Variants in SEPTIN9 observed in about 807,000 individuals in gnomAD.
SEPTIN9 encodes septin-9.
A neutral mutation model predicts 56.6 loss-of-function variants in SEPTIN9; 13 were observed. That is an observed-to-expected ratio of 0.23 (90% confidence interval 0.15 to 0.37). The LOEUF (loss-of-function observed/expected upper bound fraction) is 0.37, where lower values mean the gene tolerates loss of function less well. SEPTIN9 is among the 10% of genes least tolerant of loss of function. SEPTIN9 has a pLI of 1.00. For synonymous variants in SEPTIN9, 332 were observed against 334.1 expected (o/e 0.99, Z 0.07); for missense variants, 650 against 823.1 (o/e 0.79, Z 2.57).
chr17:77,411,863 C>G lies in SEPTIN9; in HGVS notation c.721+9160C>G, dbSNP rs571167047. 8.8e-4 allele frequency among the ~76,000 whole-genome samples: 134 copies of G among 152,200 alleles called. 1 individual carries two copies. Among genetic ancestry groups the G allele is most frequent in the Admixed American group, 2.4e-3 (37 of 15,298 alleles). On this transcript the variant is annotated intron_variant, in intron 3 of 11. Coordinates refer to ENST00000427177, the MANE Select transcript of SEPTIN9 (RefSeq NM_001113491.2). Reference sequence around the variant, plus strand: ...AGTTTTGATCTGCTGGGCACAGTGGCTCACACCTGTAATCCCAGCACTTTG... The same window carrying G: ...AGTTTTGATCTGCTGGGCACAGTGGGTCACACCTGTAATCCCAGCACTTTG...
chr17:77,493,975 G>A (rs1568122846), intron 10 of SEPTIN9, among the ~76,000 whole-genome samples: 1 of 151,970 alleles, frequency 6.6e-6, no homozygotes, highest in Non-Finnish European at 1.5e-5. Context: ...ATTTCGCCAT[G>A]TTGGCCAGGC....
In SEPTIN9 at chr17:77,390,425, T is replaced by TAA. The variant is rs570951109; in HGVS notation, c.77-11621_77-11620dup. Among the ~76,000 whole-genome samples, 656 of 106,328 alleles carry TAA rather than the reference T, an allele frequency of 6.2e-3. 13 individuals are homozygous for TAA. The highest frequency in any genetic ancestry group is 0.021 in the African/African-American group (579 of 27,504). The allele number at this position is 106,328 out of a possible 152,430, so 69.8% of individuals were successfully genotyped here. Reference sequence around the variant, plus strand: ...TCACCTCCCCTTCATGTTTCAGAGGTAAAAAAAAAAAAAACTGCACATTTC... The same window carrying TAA: ...TCACCTCCCCTTCATGTTTCAGAGGTAAAAAAAAAAAAAAAACTGCACATTTC... On this transcript the variant is annotated intron_variant, in intron 2 of 11. Coordinates refer to ENST00000427177, the MANE Select transcript of SEPTIN9 (RefSeq NM_001113491.2).
At chr17:77,320,738 G>A (rs1229288250) in intron 2 of SEPTIN9, among the ~76,000 whole-genome samples, 2 of 152,222 alleles carry the variant, frequency 1.3e-5, no homozygotes, top group Non-Finnish European at 2.9e-5. Flanking sequence ...TGTCCACTGT[G>A]TGGTTTGTTT....
chr17:77,440,148 C>T (rs2037491168), intron 3 of SEPTIN9, among the ~76,000 whole-genome samples: 1 of 151,878 alleles, frequency 6.6e-6, no homozygotes, highest in African/African-American at 2.4e-5. Context: ...TTTCATATAC[C>T]TTTTTTTTAA....
intron 2 of SEPTIN9, among the ~76,000 whole-genome samples, chr17:77,358,098 C>T (rs974942454): frequency 2.0e-5 from 3 of 152,172 alleles, no homozygotes; most frequent in Non-Finnish European, 4.4e-5. Flanking sequence ...GCTTAGTCAA[C>T]GGAAGCTCAG....
chr17:77,484,694 AT>A (rs200946896), intron 4 of SEPTIN9, among the ~76,000 whole-genome samples: 2 of 59,416 alleles, frequency 3.4e-5, no homozygotes, highest in East Asian at 6.4e-4. Flanking sequence ...GGTGGTGGTG[AT>A]TGTGATGGTG....
Position 77,384,779 on chromosome 17 carries a change from C to T in SEPTIN9, c.77-17280C>T, listed in dbSNP as rs541768602. Among the ~76,000 whole-genome samples the T allele has an allele frequency of 2.1e-4, 32 of 151,348 alleles. No homozygotes were observed. In the East Asian group the frequency reaches 6.3e-3, roughly 30 times the overall value. ...AGAACGGGCCCAAAATGTGTAGGGA[C>T]CTCAGCCACATGGCGCCACATGGAG... is the stretch of plus-strand genomic sequence containing the variant. On this transcript the variant is annotated intron_variant, in intron 2 of 11. Coordinates refer to ENST00000427177, the MANE Select transcript of SEPTIN9 (RefSeq NM_001113491.2).
At chr17:77,407,748 C>G (rs1354906212) in intron 3 of SEPTIN9, among the ~76,000 whole-genome samples, 1 of 152,234 alleles carries the variant, frequency 6.6e-6, no homozygotes, top group Non-Finnish European at 1.5e-5. Flanking sequence ...TGGCCCTGCC[C>G]CTGGACTTGG....
Position 77,436,234 on chromosome 17 carries a change from G to A in SEPTIN9, c.721+33531G>A, listed in dbSNP as rs549621865. On this transcript the variant is annotated intron_variant, in intron 3 of 11. Coordinates refer to ENST00000427177, the MANE Select transcript of SEPTIN9 (RefSeq NM_001113491.2). This position sits in a 1 kb window ranked among gnomAD's most constrained non-coding sequence, Gnocchi z 4.4. The stretch of plus-strand genomic sequence containing the variant: ...CTCCAGCTTTCCCAGGGAAAGGGCA[G>A]GAACAGAGAGGCCTTATCTTCAGAG... 1.2e-3 allele frequency among the ~76,000 whole-genome samples: 185 copies of A among 152,298 alleles called. 3 individuals carry two copies. In the Middle Eastern group the frequency reaches 0.014, roughly 11 times the overall value.
At chr17:77,423,991 G>T (rs1450756426) in intron 3 of SEPTIN9, among the ~76,000 whole-genome samples, 1 of 152,204 alleles carries the variant, frequency 6.6e-6, no homozygotes. Flanking sequence ...CCTGTCCTTG[G>T]CTCACTTTCT....
intron 2 of SEPTIN9, among the ~76,000 whole-genome samples, chr17:77,401,616 C>T (rs1266382041): frequency 6.6e-6 from 1 of 151,914 alleles, no homozygotes; most frequent in African/African-American, 2.4e-5. Flanking sequence ...CATGGTGGCC[C>T]GTGCCTATAA....
At chr17:77,466,722 A>G (rs1001882573) in intron 3 of SEPTIN9, among the ~76,000 whole-genome samples, 1 of 152,142 alleles carries the variant, frequency 6.6e-6, no homozygotes, top group Non-Finnish European at 1.5e-5. Context: ...GTTCATAAGA[A>G]CACGCTATTA....
At chr17:77,376,181 G>T (rs2034912747) in intron 2 of SEPTIN9, 10 of 986,658 alleles carry the variant, frequency 1.0e-5, no homozygotes, top group Non-Finnish European at 1.1e-5. Flanking sequence ...AGTGGGGGAG[G>T]CTGGAATGAG....
At position 77,371,564 on chromosome 17, in the gene SEPTIN9, T is replaced by C. The variant is rs11650953; in HGVS notation, c.77-30495T>C. Among the ~76,000 whole-genome samples the C allele has an allele frequency of 0.22, 32,871 of 151,828 alleles. 3,860 individuals carry two copies. Among genetic ancestry groups the C allele is most frequent in the East Asian group, 0.5 (2,578 of 5,162 alleles). On this transcript the variant is annotated intron_variant, in intron 2 of 11. Coordinates refer to ENST00000427177, the MANE Select transcript of SEPTIN9 (RefSeq NM_001113491.2). This position sits in a 1 kb window ranked among gnomAD's most constrained non-coding sequence, Gnocchi z 4.1. ...AGGGGGGCTGTGTTGTTGGGCTGAG[T>C]TTCTTAGGTACTGGACCCCCAAATC...
At chr17:77,447,598 T>G (rs932033580) in intron 3 of SEPTIN9, among the ~76,000 whole-genome samples, 4 of 152,378 alleles carry the variant, frequency 2.6e-5, no homozygotes, top group African/African-American at 7.2e-5. Flanking sequence ...TAAGAGATAC[T>G]TAGCGTGTGC....
At chr17:77,490,244 T>A (rs2039968662) in intron 7 of SEPTIN9, among the ~76,000 whole-genome samples, 1 of 152,188 alleles carries the variant, frequency 6.6e-6, no homozygotes, top group Admixed American at 6.5e-5. Context: ...TGCCAGCCCC[T>A]GCCACCCACA....
Position 77,327,324 on chromosome 17 carries a change from T to C in SEPTIN9, c.76+20127T>C, listed in dbSNP as rs1291474054. The stretch of plus-strand genomic sequence containing the variant: ...CAGCTTCCTGGCCCGTCTCTTGCTC[T>C]GGGCACCCCCCCACTCCGAACGGCC... On this transcript the variant is annotated intron_variant, in intron 2 of 11. Coordinates refer to ENST00000427177, the MANE Select transcript of SEPTIN9 (RefSeq NM_001113491.2). The surrounding 1 kb of genome is among the most constrained non-coding windows in gnomAD (Gnocchi z 5.0). 3.3e-5 allele frequency among the ~76,000 whole-genome samples: 5 copies of C among 152,172 alleles called. No individual in the cohort carries two copies. The highest frequency in any genetic ancestry group is 7.4e-5 in the Non-Finnish European group (5 of 68,022).
chr17:77,439,873 G>A (rs1355601345), intron 3 of SEPTIN9, among the ~76,000 whole-genome samples: 1 of 152,182 alleles, frequency 6.6e-6, no homozygotes, highest in Admixed American at 6.5e-5. Context: ...GAAGGGCCTT[G>A]CCGAGTGCTG....
At chr17:77,457,496 T>C (rs951214152) in intron 3 of SEPTIN9, among the ~76,000 whole-genome samples, 6 of 152,200 alleles carry the variant, frequency 3.9e-5, no homozygotes, top group Admixed American at 3.3e-4. Flanking sequence ...TCCGTGTTTA[T>C]GCGCTGGGCC....
Sources: allele counts gnomAD v4.1 joint callset (sites outside exome capture counted in the v4.1 genomes callset), GRCh38; gene constraint gnomAD v4.1.1; non-coding constraint Gnocchi (gnomAD v3.1); transcripts MANE v1.5; gene names NCBI Gene and HGNC (gene_info 2026-07-23, HGNC 2026-07-21).